The following ERBB4 variants were observed in gnomAD, a reference collection of about 807,000 sequenced individuals.
The protein encoded by ERBB4 is receptor tyrosine-protein kinase erbB-4.
A neutral mutation model predicts 158.0 loss-of-function variants in ERBB4; 42 were observed. The observed-to-expected ratio is 0.27, with a 90% CI of 0.21 to 0.34. ERBB4 has a LOEUF of 0.34. Ranked by LOEUF, ERBB4 falls within the 10% of genes least tolerant of loss-of-function variation. The pLI is 1.00. For synonymous variants in ERBB4, 583 were observed against 558.7 expected (o/e 1.04, Z -0.61); for missense variants, 1,333 against 1,624.1 (o/e 0.82, Z 3.08).
intron 1 of ERBB4, among the ~76,000 whole-genome samples, chr2:212,517,134 G>A (rs1391410736): frequency 6.6e-6 from 1 of 152,052 alleles, no homozygotes; most frequent in Non-Finnish European, 1.5e-5. Flanking sequence ...TTTTCATTGA[G>A]AAAGAATTTA....
chr2:212,214,265 G>A (rs1382322326), intron 1 of ERBB4, among the ~76,000 whole-genome samples: 1 of 151,742 alleles, frequency 6.6e-6, no homozygotes, highest in Non-Finnish European at 1.5e-5. Context: ...GTGACCAACA[G>A]GCACCTGTGG....
At chr2:211,734,594 C>A in intron 5 of ERBB4, among the ~76,000 whole-genome samples, 1 of 134,666 alleles carries the variant, frequency 7.4e-6, no homozygotes, top group African/African-American at 2.8e-5. Context: ...ATAGCACAAC[C>A]ATAACTAGGG....
At chr2:211,802,634 T>G (rs761399716) in intron 3 of ERBB4, among the ~76,000 whole-genome samples, 1 of 152,238 alleles carries the variant, frequency 6.6e-6, no homozygotes, top group Non-Finnish European at 1.5e-5. Context: ...TTTAAAATGT[T>G]GTTTCACTTG....
At chr2:212,088,295 C>A (rs1488329748) in intron 2 of ERBB4, among the ~76,000 whole-genome samples, 1 of 152,018 alleles carries the variant, frequency 6.6e-6, no homozygotes, top group Non-Finnish European at 1.5e-5. Flanking sequence ...AATAGTAGGA[C>A]ATGAAGGAAA....
intron 1 of ERBB4, among the ~76,000 whole-genome samples, chr2:212,280,647 T>C (rs1225049958): frequency 6.6e-6 from 1 of 151,696 alleles, no homozygotes; most frequent in Admixed American, 6.6e-5. Flanking sequence ...GCAACATTTT[T>C]TATCAGGAGT....
At chr2:211,508,857 G>C (rs1435349328) in intron 20 of ERBB4, among the ~76,000 whole-genome samples, 2 of 152,086 alleles carry the variant, frequency 1.3e-5, no homozygotes, top group Admixed American at 6.5e-5. Context: ...GTGAACCCAG[G>C]AGGCGGAGCT....
intron 2 of ERBB4, among the ~76,000 whole-genome samples, chr2:212,083,381 G>C (rs1229989658): frequency 6.6e-6 from 1 of 151,896 alleles, no homozygotes; most frequent in Non-Finnish European, 1.5e-5. Flanking sequence ...AGATAGAATT[G>C]GGGGGAGGAA....
intron 1 of ERBB4, among the ~76,000 whole-genome samples, chr2:212,352,761 G>T (rs1359047384): frequency 6.6e-6 from 1 of 152,028 alleles, no homozygotes; most frequent in Non-Finnish European, 1.5e-5. Flanking sequence ...CCAGCTACTT[G>T]GGAGGCTGAG....
intron 19 of ERBB4, among the ~76,000 whole-genome samples, chr2:211,608,283 A>G (rs1031238542): frequency 3.3e-5 from 5 of 152,148 alleles, no homozygotes; most frequent in Admixed American, 1.3e-4. Flanking sequence ...AACTCAGAAG[A>G]AACAAAACTT....
chr2:211,506,324 A>G (rs1360424782), intron 20 of ERBB4, among the ~76,000 whole-genome samples: 1 of 152,132 alleles, frequency 6.6e-6, no homozygotes, highest in Admixed American at 6.5e-5. Context: ...GGACTTCAAC[A>G]TCCCATTGAT....
intron 20 of ERBB4, among the ~76,000 whole-genome samples, chr2:211,545,295 C>T (rs1273949030): frequency 6.6e-6 from 1 of 151,922 alleles, no homozygotes; most frequent in Non-Finnish European, 1.5e-5. Context: ...TGAGTGCACC[C>T]ATGTAAGTGT....
intron 1 of ERBB4, among the ~76,000 whole-genome samples, chr2:212,195,371 A>G (rs1418909342): frequency 1.3e-5 from 2 of 152,076 alleles, no homozygotes. Context: ...ATTTTAAAAA[A>G]AGACTTGCAA....
chr2:212,279,942 ATAAT>A (rs1239976968), intron 1 of ERBB4, among the ~76,000 whole-genome samples: 2 of 151,644 alleles, frequency 1.3e-5, no homozygotes, highest in African/African-American at 4.8e-5. Flanking sequence ...GTTTTAGAAA[ATAAT>A]TATTTATCCT....
chr2:211,821,680 T>G (rs185444917), intron 3 of ERBB4, among the ~76,000 whole-genome samples: 1 of 152,042 alleles, frequency 6.6e-6, no homozygotes, highest in East Asian at 1.9e-4. Context: ...TGCAAGAGAA[T>G]AGAGAACCCA....
At chr2:211,919,934 A>G (rs1331618614) in intron 3 of ERBB4, among the ~76,000 whole-genome samples, 1 of 152,042 alleles carries the variant, frequency 6.6e-6, no homozygotes, top group African/African-American at 2.4e-5. Context: ...CACAATATTT[A>G]AACAACCACT....
At chr2:211,534,645 T>G (rs1574692676) in intron 20 of ERBB4, among the ~76,000 whole-genome samples, 1 of 152,110 alleles carries the variant, frequency 6.6e-6, no homozygotes, top group East Asian at 1.9e-4. Flanking sequence ...ACCATTATCT[T>G]GCTTCTCATG....
At chr2:212,495,328 T>C (rs1437148557) in intron 1 of ERBB4, among the ~76,000 whole-genome samples, 2 of 152,186 alleles carry the variant, frequency 1.3e-5, no homozygotes, top group Non-Finnish European at 2.9e-5. Context: ...TGCAAACAAT[T>C]CCAGGAGTGG....
chr2:211,642,434 C>T (rs1384544224), intron 16 of ERBB4, among the ~76,000 whole-genome samples: 1 of 151,992 alleles, frequency 6.6e-6, no homozygotes, highest in African/African-American at 2.4e-5. Flanking sequence ...GCTATTTGCT[C>T]CGTGTTACCC....
chr2:212,086,435 T>C (rs1006493032), intron 2 of ERBB4, among the ~76,000 whole-genome samples: 1 of 152,040 alleles, frequency 6.6e-6, no homozygotes, highest in African/African-American at 2.4e-5. Flanking sequence ...CCTTATGCAT[T>C]ACCGCCTCTA....
Sources: gnomAD v4.1 joint callset for allele counts (sites outside exome capture counted in the v4.1 genomes callset) on GRCh38, gnomAD v4.1.1 for gene constraint, MANE v1.5 for transcripts, NCBI Gene and HGNC (gene_info 2026-07-23, HGNC 2026-07-21) for gene names.